MNS1: variants seen among roughly 807,000 people sequenced by gnomAD.
The protein encoded by MNS1 is meiosis-specific nuclear structural protein 1.
Under a neutral mutation model 72.0 loss-of-function variants are expected in MNS1, and 63 were observed. The ratio of observed to expected loss-of-function variants is 0.87; its 90% confidence interval spans 0.71 to 1.08. The LOEUF (loss-of-function observed/expected upper bound fraction) is 1.08, where lower values mean the gene tolerates loss of function less well. MNS1 is among the 50% of genes least tolerant of loss of function. MNS1 has a pLI of 0.00. For synonymous variants in MNS1, 188 were observed against 172.1 expected (o/e 1.09, Z -0.72); for missense variants, 604 against 562.4 (o/e 1.07, Z -0.75).
At chr15:56,440,084 A>G (rs1430297192) in intron 7 of MNS1, among the ~76,000 whole-genome samples, 1 of 152,172 alleles carries the variant, frequency 6.6e-6, no homozygotes, top group Admixed American at 6.5e-5. Context: ...AAACAACCCA[A>G]TTAGAGAATC....
chr15:56,441,975 A>C (rs1213849596), intron 7 of MNS1, among the ~76,000 whole-genome samples: 1 of 152,042 alleles, frequency 6.6e-6, no homozygotes, highest in African/African-American at 2.4e-5. Flanking sequence ...AGCCGAGATC[A>C]CGCCACTGCA....
At position 56,456,377 on chromosome 15, in the gene MNS1, T is replaced by C. The variant is rs941295258; in HGVS notation, c.353+17A>G. The C allele has an allele frequency of 6.3e-7, 1 of 1,591,520 alleles. No individual in the cohort carries two copies. Among genetic ancestry groups the C allele is most frequent in the Non-Finnish European group, 8.5e-7 (1 of 1,173,934 alleles). ...AGATAAAGACTAAATAAATGAAATT[T>C]AGAGAAACCAAGATACCTGTTTTCT... On this transcript the variant is annotated intron_variant, in intron 3 of 9. Coordinates refer to ENST00000260453, the MANE Select transcript of MNS1 (RefSeq NM_018365.4).
At position 56,429,099 on chromosome 15, in the gene MNS1, T is replaced by TC. The variant is rs2050474729; in HGVS notation, c.*1_*2insG. 3 of 1,572,950 alleles carry TC rather than the reference T, an allele frequency of 1.9e-6. No individual in the cohort carries two copies. The highest frequency in any genetic ancestry group is 2.6e-6 in the Non-Finnish European group (3 of 1,154,212). The stretch of plus-strand genomic sequence containing the variant: ...TCTATGCTTTACCCAATTTTGATGA[T>TC]ATCATTTCTCTTCACAAATTTCACT... On this transcript the variant is annotated 3_prime_UTR_variant, in exon 10 of 10. Transcript: ENST00000260453.
chr15:56,450,540 A>G (rs1418936156), intron 3 of MNS1, among the ~76,000 whole-genome samples: 3 of 152,186 alleles, frequency 2.0e-5, no homozygotes, highest in Non-Finnish European at 4.4e-5. Flanking sequence ...CTTACTTAAC[A>G]TAATGTTTTC....
chr15:56,451,574 C>T (rs551787781), intron 3 of MNS1, among the ~76,000 whole-genome samples: 1 of 152,190 alleles, frequency 6.6e-6, no homozygotes, highest in East Asian at 1.9e-4. Flanking sequence ...TCAGTCCAAT[C>T]CTGCAACTTT....
chr15:56,460,009 A>AAAAAAAAAAAATATATAT lies in MNS1; in HGVS notation c.226-3489_226-3488insATATATATTTTTTTTTTT. On this transcript the variant is annotated intron_variant, in intron 2 of 9. Coordinates refer to ENST00000260453, the MANE Select transcript of MNS1 (RefSeq NM_018365.4). ...CTGTCTCAAAAAAAAAAAAAAAAAA[A>AAAAAAAAAAAATATATAT]ATACATATATATATATATATATATA... Among the ~76,000 whole-genome samples the AAAAAAAAAAAATATATAT allele has an allele frequency of 1.6e-3, 41 of 26,382 alleles. 5 individuals are homozygous for AAAAAAAAAAAATATATAT. Among genetic ancestry groups the AAAAAAAAAAAATATATAT allele is most frequent in the East Asian group, 6.8e-3 (6 of 876 alleles). The allele number at this position is 26,382 out of a possible 152,430, so 17.3% of individuals were successfully genotyped here.
At chr15:56,457,670 C>T (rs938819750) in intron 2 of MNS1, among the ~76,000 whole-genome samples, 3 of 151,922 alleles carry the variant, frequency 2.0e-5, no homozygotes, top group Non-Finnish European at 2.9e-5. Flanking sequence ...GAAAATTAGC[C>T]AGGTGTGGTG....
chr15:56,431,236 C>T, intron 9 of MNS1, 137 bp downstream of exon 9: 1 of 932,434 alleles, frequency 1.1e-6, no homozygotes, highest in Non-Finnish European at 1.6e-6. Context: ...GGTTCAGTGC[C>T]TGGACAGGAG....
intron 3 of MNS1, among the ~76,000 whole-genome samples, chr15:56,456,094 C>G (rs1470294297): frequency 6.6e-6 from 1 of 152,002 alleles, no homozygotes; most frequent in African/African-American, 2.4e-5. Flanking sequence ...TAGTTATTAC[C>G]TAAGGTTTCT....
At chr15:56,460,008 AAATAC>A (rs1254869154) in intron 2 of MNS1, among the ~76,000 whole-genome samples, 7 of 55,796 alleles carry the variant, frequency 1.3e-4, no homozygotes, top group Admixed American at 2.3e-4. Flanking sequence ...AAAAAAAAAA[AAATAC>A]ATATATATAT....
chr15:56,458,638 A>G (rs1420243064), intron 2 of MNS1, among the ~76,000 whole-genome samples: 1 of 152,172 alleles, frequency 6.6e-6, no homozygotes. Flanking sequence ...TCCTAAAAAC[A>G]ACTTACATTT....
At chr15:56,451,814 C>G (rs1161610312) in intron 3 of MNS1, among the ~76,000 whole-genome samples, 1 of 152,080 alleles carries the variant, frequency 6.6e-6, no homozygotes, top group East Asian at 1.9e-4. Context: ...AGCATCTGTA[C>G]TTTTTGACCA....
chr15:56,456,270 T>A (rs2050981208), intron 3 of MNS1, 124 bp downstream of exon 3: 1 of 829,370 alleles, frequency 1.2e-6, no homozygotes, highest in Non-Finnish European at 1.7e-6. Flanking sequence ...AATAAGTATT[T>A]CCAGGTAAAA....
At chr15:56,447,783 TA>T (rs2050918151) in intron 3 of MNS1, 7 of 152,120 alleles carry the variant, frequency 4.6e-5, no homozygotes, top group Non-Finnish European at 1.5e-5. Flanking sequence ...ATCACTTCCT[TA>T]TAAACCTGTG....
At chr15:56,461,975 G>GTTTTTTTT (rs56022687) in intron 2 of MNS1, among the ~76,000 whole-genome samples, 33 of 97,894 alleles carry the variant, frequency 3.4e-4, no homozygotes, top group Non-Finnish European at 5.4e-4. Context: ...TTTTGTTGTT[G>GTTTTTTTT]TTTTTTTTTT....
intron 2 of MNS1, among the ~76,000 whole-genome samples, chr15:56,461,975 G>GTTGTTGT (rs1555449789): frequency 1.0e-5 from 1 of 97,916 alleles, no homozygotes. Context: ...TTTTGTTGTT[G>GTTGTTGT]TTTTTTTTTT....
Position 56,443,666 on chromosome 15 carries a change from T to C in MNS1, c.875A>G (p.Glu292Gly). Residue 292 changes from glutamate to glycine, a missense_variant, in exon 6 of 10, where the codon GAG (glutamate) becomes GGG (glycine). Physicochemically the swap from Glu to Gly is moderately conservative, Grantham distance 98. Coordinates refer to ENST00000260453, the MANE Select transcript of MNS1 (RefSeq NM_018365.4). ...EDRMAKVQENEEKRLQLQNAL... is the reference protein window; with the variant it reads ...EDRMAKVQENGEKRLQLQNAL... ...ATTCTGAAGCTGTAGCCTTTTCTCC[T>C]CATTTTCTTGAACTTTTGCCATCCG... The C allele has an allele frequency of 6.2e-7, 1 of 1,613,302 alleles. No individual in the cohort carries two copies. Among genetic ancestry groups the C allele is most frequent in the South Asian group, 1.1e-5 (1 of 90,860 alleles).
intron 4 of MNS1, 81 bp from the exon 5 acceptor site, chr15:56,444,754 A>T (rs1333600534): frequency 2.5e-6 from 3 of 1,183,440 alleles, no homozygotes; most frequent in Non-Finnish European, 3.6e-6. Context: ...ATGTTATTGA[A>T]TATTATAAAG....
At chr15:56,441,755 C>T (rs2050817769) in intron 7 of MNS1, among the ~76,000 whole-genome samples, 1 of 152,200 alleles carries the variant, frequency 6.6e-6, no homozygotes, top group Non-Finnish European at 1.5e-5. Flanking sequence ...TGGCTCACAC[C>T]TCTAATCCCA....
Sources: allele counts gnomAD v4.1 joint callset (sites outside exome capture counted in the v4.1 genomes callset), GRCh38; gene constraint gnomAD v4.1.1; transcripts MANE v1.5; gene names NCBI Gene and HGNC (gene_info 2026-07-23, HGNC 2026-07-21).